LRRC69: variants seen among roughly 807,000 people sequenced by gnomAD.
The protein encoded by LRRC69 is leucine-rich repeat-containing protein 69.
LRRC69 carries 42 observed loss-of-function variants against 37.8 expected under a neutral mutation model. That is an observed-to-expected ratio of 1.11 (90% CI 0.87 to 1.44). The LOEUF (loss-of-function observed/expected upper bound fraction) is 1.44, where lower values mean the gene tolerates loss of function less well. Ranked by LOEUF, LRRC69 falls within the 40% of genes most tolerant of loss-of-function variation. The probability of loss-of-function intolerance (pLI) is 0.00; values close to 1 mark genes in which losing one functional copy is unlikely to be tolerated. For synonymous variants in LRRC69, 141 were observed against 143.1 expected, an observed-to-expected ratio of 0.99 and a Z score of 0.11; for missense variants, 357 against 401.9, an observed-to-expected ratio of 0.89 and a Z score of 0.96.
chr8:91,151,336 A>C (rs973096803), intron 5 of LRRC69, among the ~76,000 whole-genome samples: 1 of 151,160 alleles, frequency 6.6e-6, no homozygotes, highest in African/African-American at 2.4e-5. Context: ...CCTTCGTTTC[A>C]TTATGTACCC....
chr8:91,132,377 AGTAAT>A, intron 3 of LRRC69, among the ~76,000 whole-genome samples: 1 of 152,044 alleles, frequency 6.6e-6, no homozygotes, highest in Non-Finnish European at 1.5e-5. Flanking sequence ...AGTTGTGCTT[AGTAAT>A]GTTAATTCCC....
At chr8:91,142,613 A>C (rs1174269640) in intron 5 of LRRC69, among the ~76,000 whole-genome samples, 1 of 151,918 alleles carries the variant, frequency 6.6e-6, no homozygotes, top group Non-Finnish European at 1.5e-5. Context: ...TCCTTCTAGG[A>C]TTTCTGAGTC....
chr8:91,140,639 ATTTTTTTTTTT>A (rs71266165), intron 5 of LRRC69, among the ~76,000 whole-genome samples: 1 of 23,250 alleles, frequency 4.3e-5, no homozygotes, highest in Non-Finnish European at 7.6e-5. Context: ...TCAATATGTG[ATTTTTTTTTTT>A]TTTTTTTTTT....
At chr8:91,114,135 T>G (rs1813464095) in intron 1 of LRRC69, among the ~76,000 whole-genome samples, 1 of 151,866 alleles carries the variant, frequency 6.6e-6, no homozygotes, top group Non-Finnish European at 1.5e-5. Flanking sequence ...CATGTTAGAA[T>G]GGCTGTTATC....
intron 5 of LRRC69, among the ~76,000 whole-genome samples, chr8:91,137,983 A>AAACCTT (rs1209815819): frequency 2.6e-5 from 4 of 152,176 alleles, no homozygotes; most frequent in Admixed American, 2.6e-4. Flanking sequence ...ACATGGATTT[A>AAACCTT]AAGCATTAAT....
intron 5 of LRRC69, among the ~76,000 whole-genome samples, chr8:91,165,165 A>G (rs1204569186): frequency 1.3e-5 from 2 of 151,772 alleles, no homozygotes; most frequent in Non-Finnish European, 2.9e-5. Flanking sequence ...AGAGGAAGAA[A>G]GGATATTCTC....
intron 5 of LRRC69, among the ~76,000 whole-genome samples, chr8:91,163,689 AT>A: frequency 1.3e-5 from 2 of 151,564 alleles, no homozygotes; most frequent in African/African-American, 4.8e-5. Flanking sequence ...GCTGCATTAC[AT>A]TTCTATTATA....
chr8:91,114,591 T>C (rs1208953931), intron 1 of LRRC69, among the ~76,000 whole-genome samples: 4 of 152,082 alleles, frequency 2.6e-5, no homozygotes, highest in Non-Finnish European at 4.4e-5. Flanking sequence ...TTTAGATACT[T>C]TTTGATACAC....
chr8:91,114,763 A>G (rs965239854), intron 1 of LRRC69, among the ~76,000 whole-genome samples: 1 of 152,040 alleles, frequency 6.6e-6, no homozygotes, highest in Non-Finnish European at 1.5e-5. Flanking sequence ...TGTAAGTACT[A>G]TGATGTTCAC....
At chr8:91,139,168 ATAAAACT>A (rs1376370107) in intron 5 of LRRC69, 1 of 151,954 alleles carries the variant, frequency 6.6e-6, no homozygotes, top group Admixed American at 6.6e-5. Context: ...ACTTAAAAAA[ATAAAACT>A]TAAAAATTTT....
rs1199207182 is a variant in LRRC69, at chr8:91,193,111, T to C, written c.753+3488T>C. 2.2e-5 allele frequency among the ~76,000 whole-genome samples: 3 copies of C among 138,746 alleles called. No individual in the cohort carries two copies. The South Asian group carries it at 8.0e-4, about 37-fold the overall frequency. The allele number at this position is 138,746 out of a possible 152,430, so 91.0% of individuals were successfully genotyped here. On this transcript the variant is annotated intron_variant, in intron 6 of 7. Transcript: ENST00000448384. Reference sequence around the variant, plus strand: ...ACCATTTATTAAATAGGGAATCCTTTCCCCATTGCTTGTTTTTCTCAGGTT... The same window carrying C: ...ACCATTTATTAAATAGGGAATCCTTCCCCCATTGCTTGTTTTTCTCAGGTT...
chr8:91,177,626 G>T (rs984563115), intron 5 of LRRC69, among the ~76,000 whole-genome samples: 3 of 152,074 alleles, frequency 2.0e-5, no homozygotes, highest in Admixed American at 1.3e-4. Context: ...CTCAACAAAT[G>T]ATAACAAATC....
At chr8:91,194,612 T>C (rs1809561438) in intron 6 of LRRC69, among the ~76,000 whole-genome samples, 1 of 151,902 alleles carries the variant, frequency 6.6e-6, no homozygotes, top group Non-Finnish European at 1.5e-5. Context: ...CCATTTCTTC[T>C]AGATTTTCTA....
intron 7 of LRRC69, chr8:91,206,597 A>G: frequency 2.1e-5 from 22 of 1,042,746 alleles, no homozygotes; most frequent in Non-Finnish European, 2.7e-5. Flanking sequence ...TGTTCTGAAC[A>G]CCTTAGACAA....
intron 5 of LRRC69, among the ~76,000 whole-genome samples, chr8:91,156,334 C>T (rs868681411): frequency 9.3e-5 from 14 of 150,930 alleles, no homozygotes; most frequent in African/African-American, 3.4e-4. Context: ...GATGTTGGAC[C>T]TGTTTTTCAG....
chr8:91,143,189 A>G (rs1249369928), intron 5 of LRRC69, among the ~76,000 whole-genome samples: 1 of 152,040 alleles, frequency 6.6e-6, no homozygotes, highest in African/African-American at 2.4e-5. Flanking sequence ...ATTTAACACT[A>G]AATTTTATTT....
At chr8:91,107,301 AT>A (rs751638822) in intron 1 of LRRC69, among the ~76,000 whole-genome samples, 10 of 150,486 alleles carry the variant, frequency 6.6e-5, no homozygotes, top group South Asian at 2.1e-4. Flanking sequence ...TGCCTGGCTA[AT>A]TTTTTTTGTA....
At chr8:91,185,020 G>A (rs1383217974) in intron 5 of LRRC69, among the ~76,000 whole-genome samples, 1 of 152,142 alleles carries the variant, frequency 6.6e-6, no homozygotes, top group African/African-American at 2.4e-5. Flanking sequence ...GATTTGCATT[G>A]TAAAGCAATT....
intron 5 of LRRC69, among the ~76,000 whole-genome samples, chr8:91,143,130 C>T (rs957640775): frequency 2.0e-5 from 3 of 152,040 alleles, no homozygotes; most frequent in Non-Finnish European, 4.4e-5. Context: ...ACTTCTTAAA[C>T]ATTTATTCAT....
Sources: gnomAD v4.1 joint callset for allele counts (sites outside exome capture counted in the v4.1 genomes callset) on GRCh38, gnomAD v4.1.1 for gene constraint, MANE v1.5 for transcripts, NCBI Gene and HGNC (gene_info 2026-07-23, HGNC 2026-07-21) for gene names.